The following ANKRD11 variants were observed in gnomAD, a reference collection of about 807,000 sequenced individuals.
ANKRD11 encodes ankyrin repeat domain 11, also known as ankyrin repeat domain-containing protein 11.
A neutral mutation model predicts 195.7 loss-of-function variants in ANKRD11; 17 were observed. The observed-to-expected ratio is 0.09, with a 90% CI of 0.06 to 0.13. The LOEUF (loss-of-function observed/expected upper bound fraction) is 0.13. Ranked by LOEUF, ANKRD11 falls within the 10% of genes least tolerant of loss-of-function variation. The pLI is 1.00. For synonymous variants in ANKRD11, 1,953 were observed against 1,528.1 expected (o/e 1.28, Z -6.49); for missense variants, 3,735 against 3,566.1 (o/e 1.05, Z -1.21).
intron 2 of ANKRD11, among the ~76,000 whole-genome samples, chr16:89,356,780 CAAAA>C (rs58470031): frequency 9.6e-6 from 1 of 103,988 alleles, no homozygotes; most frequent in Non-Finnish European, 1.9e-5. Flanking sequence ...GACTCCGTCT[CAAAA>C]AAAAAAAAAA....
At chr16:89,399,119 C>T (rs1467930160) in intron 2 of ANKRD11, among the ~76,000 whole-genome samples, 1 of 152,216 alleles carries the variant, frequency 6.6e-6, no homozygotes, top group East Asian at 1.9e-4. Flanking sequence ...GCCCAGGTGG[C>T]TCCGAACACG....
intron 3 of ANKRD11, among the ~76,000 whole-genome samples, chr16:89,314,161 C>CAG (rs890051705): frequency 2.0e-5 from 3 of 151,762 alleles, no homozygotes; most frequent in Admixed American, 6.6e-5. Flanking sequence ...GGCAGTGGGG[C>CAG]AGGGTGGGGG....
chr16:89,303,036 C>T (rs1053833944), intron 4 of ANKRD11, among the ~76,000 whole-genome samples: 1 of 152,186 alleles, frequency 6.6e-6, no homozygotes, highest in African/African-American at 2.4e-5. Flanking sequence ...TGGGTGAGAG[C>T]TTCTCTGCAC....
intron 1 of ANKRD11, among the ~76,000 whole-genome samples, chr16:89,479,433 G>C (rs763173254): frequency 6.6e-6 from 1 of 150,418 alleles, no homozygotes; most frequent in Admixed American, 6.7e-5. Context: ...GGGAGTTTGA[G>C]ACCAGCCTGA....
At chr16:89,449,542 C>T (rs139760490) in intron 1 of ANKRD11, among the ~76,000 whole-genome samples, 3 of 152,140 alleles carry the variant, frequency 2.0e-5, no homozygotes, top group Non-Finnish European at 2.9e-5. Context: ...GCCTGTAATC[C>T]GAGCACTTTG....
intron 1 of ANKRD11, among the ~76,000 whole-genome samples, chr16:89,478,090 G>A (rs370857712): frequency 2.4e-4 from 37 of 152,328 alleles, no homozygotes; most frequent in Non-Finnish European, 4.0e-4. Context: ...ATGGCTTAAT[G>A]AGAGGAGCGC....
At position 89,290,547 on chromosome 16, in the gene ANKRD11, G is replaced by A. The variant is rs569313323; in HGVS notation, c.601+78C>T. 97 of 1,491,400 alleles carry A rather than the reference G, an allele frequency of 6.5e-5. No homozygotes were observed. The African/African-American group carries it at 1.2e-3, about 18-fold the overall frequency. The allele number at this position is 1,491,400 out of a possible 1,614,324, so 92.4% of individuals were successfully genotyped here. A position where few individuals can be genotyped will look rare whatever the true frequency, so the allele number is the denominator to read the frequency against. ...GGGGAGGCTCAGGGCTCCAATGGGG[G>A]GAGGCTCAGGACTCCACTGGGGGAG... is the stretch of plus-strand genomic sequence containing the variant. On this transcript the variant is annotated intron_variant, in intron 6 of 12. Coordinates refer to ENST00000301030, the MANE Select transcript of ANKRD11 (RefSeq NM_013275.6).
chr16:89,371,630 C>T (rs568453803), intron 2 of ANKRD11, among the ~76,000 whole-genome samples: 4 of 152,256 alleles, frequency 2.6e-5, no homozygotes, highest in South Asian at 2.1e-4. Flanking sequence ...GCCCACATGA[C>T]GACACCCAAG....
chr16:89,312,685 C>T lies in ANKRD11; in HGVS notation c.87+4248G>A, dbSNP rs534149940. 3.9e-5 allele frequency among the ~76,000 whole-genome samples: 6 copies of T among 152,372 alleles called. No individual in the cohort carries two copies. The South Asian group carries it at 1.2e-3, about 32-fold the overall frequency. On this transcript the variant is annotated intron_variant, in intron 3 of 12. Coordinates refer to ENST00000301030, the MANE Select transcript of ANKRD11 (RefSeq NM_013275.6). Reference sequence around the variant, plus strand: ...AGGGGTGTGTGAGCCCAGCTTCGCCCTCCTGTGCTCTCGCCATCAGACACG... The same window carrying T: ...AGGGGTGTGTGAGCCCAGCTTCGCCTTCCTGTGCTCTCGCCATCAGACACG...
intron 2 of ANKRD11, among the ~76,000 whole-genome samples, chr16:89,364,566 G>A (rs748937263): frequency 5.3e-5 from 8 of 152,270 alleles, no homozygotes; most frequent in African/African-American, 1.2e-4. Flanking sequence ...TAAAGCAGAG[G>A]TGTCCAATCT....
rs1466792827 is a variant in ANKRD11 at position 89,268,619 on chromosome 16, G to A, written c.7851C>T (p.Asn2617=). The A allele has an allele frequency of 1.9e-6, 3 of 1,565,704 alleles. No individual in the cohort carries two copies. The highest frequency in any genetic ancestry group is 1.8e-4 in the Middle Eastern group (1 of 5,682). Residue 2617 remains asparagine, a synonymous_variant, in exon 13 of 13, where the codon AAC becomes AAT. Coordinates refer to ENST00000301030, the MANE Select transcript of ANKRD11 (RefSeq NM_013275.6). ...GCTGCCACTCCATCCTCTGCACGGCGTTCAGGGCCGCGGCCTCGTGCTGCT... is the reference window on the plus strand; with the variant it reads ...GCTGCCACTCCATCCTCTGCACGGCATTCAGGGCCGCGGCCTCGTGCTGCT... ...MRQQHEAAAL[N]AVQRMEWQLK...
At chr16:89,436,220 G>C (rs1209058420) in intron 1 of ANKRD11, among the ~76,000 whole-genome samples, 2 of 152,106 alleles carry the variant, frequency 1.3e-5, no homozygotes, top group Non-Finnish European at 2.9e-5. Context: ...TTCGAGACCA[G>C]CCTGGCCAAC....
At chr16:89,330,511 C>T (rs534572396) in intron 2 of ANKRD11, among the ~76,000 whole-genome samples, 6 of 151,938 alleles carry the variant, frequency 3.9e-5, no homozygotes, top group African/African-American at 1.4e-4. Context: ...TGAGGGTCCC[C>T]GTGACGTGGC....
intron 2 of ANKRD11, among the ~76,000 whole-genome samples, chr16:89,338,869 T>A (rs903946055): frequency 6.6e-6 from 1 of 151,698 alleles, no homozygotes; most frequent in African/African-American, 2.4e-5. Context: ...GTTTGCCAAA[T>A]GAATACTTGG....
intron 1 of ANKRD11, among the ~76,000 whole-genome samples, chr16:89,422,654 G>C (rs539072986): frequency 1.3e-5 from 2 of 152,160 alleles, no homozygotes; most frequent in South Asian, 4.1e-4. Flanking sequence ...TGCTCTCGAC[G>C]AACAGTCACA....
At chr16:89,302,331 C>T (rs1421562389) in intron 4 of ANKRD11, among the ~76,000 whole-genome samples, 1 of 152,212 alleles carries the variant, frequency 6.6e-6, no homozygotes, top group African/African-American at 2.4e-5. Flanking sequence ...TGGCTCACTG[C>T]AACCTCCACC....
intron 1 of ANKRD11, among the ~76,000 whole-genome samples, chr16:89,439,426 G>A (rs367600858): frequency 3.3e-5 from 5 of 152,178 alleles, no homozygotes; most frequent in African/African-American, 9.6e-5. Context: ...ATCCTAAGTC[G>A]AACCATCATT....
intron 9 of ANKRD11, chr16:89,278,006 C>A: frequency 6.1e-6 from 1 of 163,052 alleles, no homozygotes; most frequent in South Asian, 1.5e-4. Flanking sequence ...CCCAGGAATC[C>A]CCAGAAGGAA....
intron 2 of ANKRD11, among the ~76,000 whole-genome samples, chr16:89,366,126 T>C (rs1251563559): frequency 9.6e-6 from 1 of 103,890 alleles, no homozygotes; most frequent in East Asian, 3.0e-4. Flanking sequence ...TGAGACTCCA[T>C]CTCAAAAAAA....
Sources: allele counts gnomAD v4.1 joint callset (sites outside exome capture counted in the v4.1 genomes callset), GRCh38; gene constraint gnomAD v4.1.1; transcripts MANE v1.5; gene names NCBI Gene and HGNC (gene_info 2026-07-23, HGNC 2026-07-21).